The following NUMB variants were observed in gnomAD, a reference collection of about 807,000 sequenced individuals.
NUMB encodes the protein protein numb homolog.
Under a neutral mutation model 59.7 loss-of-function variants are expected in NUMB, and 29 were observed. That is an observed-to-expected ratio of 0.49 (90% CI 0.36 to 0.66). The LOEUF is 0.66. Ranked by LOEUF, NUMB falls within the 30% of genes least tolerant of loss-of-function variation. The probability of loss-of-function intolerance (pLI) is 0.00; values close to 1 mark genes in which losing one functional copy is unlikely to be tolerated. For missense variants in NUMB, 723 were observed against 822.0 expected (o/e 0.88, Z 1.47); for synonymous variants, 288 against 288.2 (o/e 1.00, Z 0.01).
At chr14:73,350,066 T>TACACACAC (rs1161769200) in intron 4 of NUMB, among the ~76,000 whole-genome samples, 10 of 103,714 alleles carry the variant, frequency 9.6e-5, no homozygotes, top group African/African-American at 3.6e-4. Context: ...CATATATACA[T>TACACACAC]ACATACATAC....
intron 8 of NUMB, among the ~76,000 whole-genome samples, chr14:73,289,328 T>C (rs2139822623): frequency 6.6e-6 from 1 of 152,346 alleles, no homozygotes; most frequent in African/African-American, 2.4e-5. Flanking sequence ...TTTATATAGA[T>C]ACACTGGATT....
In NUMB at chr14:73,276,656, C is replaced by CTTA; in HGVS notation, c.1875_1877dup (p.Asn625dup). 1 of 1,614,210 alleles carries CTTA rather than the reference C, an allele frequency of 6.2e-7. No homozygotes were observed. ...GGGAGGGATTAGTACGCTGCTTGGA[C>CTTA]TTATTTTCTAATGCAGCCCACTGGG... On this transcript the variant is annotated inframe_insertion, in exon 13 of 13. Transcript: ENST00000555238.
At chr14:73,305,838 G>A (rs146147256) in intron 6 of NUMB, among the ~76,000 whole-genome samples, 107 of 152,292 alleles carry the variant, frequency 7.0e-4, no homozygotes, top group African/African-American at 2.4e-3. Flanking sequence ...TCTACACAGA[G>A]GCAGGCATTA....
Position 73,410,014 on chromosome 14 carries a change from G to C in NUMB, c.-178C>G, listed in dbSNP as rs1896834614. ...TGGATATAGATCAAGATCTTGAATT[G>C]TAACAGTGGCTGCACTGGCACTCTT... On this transcript the variant is annotated 5_prime_UTR_variant, in exon 2 of 13. Coordinates refer to ENST00000555238, the MANE Select transcript of NUMB (RefSeq NM_001005743.2). The C allele has an allele frequency of 1.3e-5, 2 of 152,186 alleles. No homozygotes were observed. Among genetic ancestry groups the C allele is most frequent in the South Asian group, 4.1e-4 (2 of 4,836 alleles). The allele number at this position is 152,186 out of a possible 1,614,324, so 9.4% of individuals were successfully genotyped here.
chr14:73,357,497 G>A (rs771039473), intron 3 of NUMB, among the ~76,000 whole-genome samples: 12 of 149,380 alleles, frequency 8.0e-5, no homozygotes, highest in South Asian at 2.1e-4. Context: ...AGTGGCTCAC[G>A]TGTGTAATCC....
At chr14:73,403,672 T>C (rs1896520297) in intron 2 of NUMB, among the ~76,000 whole-genome samples, 1 of 152,180 alleles carries the variant, frequency 6.6e-6, no homozygotes, top group Admixed American at 6.5e-5. Context: ...CTTCAAGAGA[T>C]TGGCGGGGCA....
intron 4 of NUMB, among the ~76,000 whole-genome samples, chr14:73,324,254 C>G (rs1052621407): frequency 3.3e-5 from 5 of 152,130 alleles, no homozygotes; most frequent in Non-Finnish European, 5.9e-5. Context: ...CTTTGCTCAC[C>G]GTGCATTTCC....
At chr14:73,351,719 G>A (rs1893282856) in intron 4 of NUMB, among the ~76,000 whole-genome samples, 1 of 152,102 alleles carries the variant, frequency 6.6e-6, no homozygotes, top group Admixed American at 6.6e-5. Flanking sequence ...GCTCACGCCT[G>A]TAATCCCAGC....
intron 4 of NUMB, among the ~76,000 whole-genome samples, chr14:73,335,675 T>A (rs1892269503): frequency 6.6e-6 from 1 of 152,142 alleles, no homozygotes; most frequent in Non-Finnish European, 1.5e-5. Flanking sequence ...CTTGAAAAAA[T>A]TATTTAAAAA....
chr14:73,413,896 A>G (rs1169845074), intron 1 of NUMB, among the ~76,000 whole-genome samples: 1 of 152,148 alleles, frequency 6.6e-6, no homozygotes, highest in Non-Finnish European at 1.5e-5. Flanking sequence ...CAGTATTATA[A>G]TATTAAGCAG....
At chr14:73,388,624 G>A (rs1309676917) in intron 2 of NUMB, among the ~76,000 whole-genome samples, 5 of 152,028 alleles carry the variant, frequency 3.3e-5, no homozygotes, top group African/African-American at 4.8e-5. Flanking sequence ...CAAATATTAA[G>A]GAAGAAACTT....
intron 4 of NUMB, among the ~76,000 whole-genome samples, chr14:73,352,473 CACACATATATAT>C (rs1893394344): frequency 2.5e-3 from 51 of 20,438 alleles, no homozygotes; most frequent in African/African-American, 7.9e-3. Flanking sequence ...CACACACACA[CACACATATATAT>C]ATATATATAT....
At chr14:73,303,797 T>C (rs77632800) in intron 6 of NUMB, among the ~76,000 whole-genome samples, 2 of 147,592 alleles carry the variant, frequency 1.4e-5, no homozygotes, top group African/African-American at 2.5e-5. Context: ...CCTTTTTTTT[T>C]CAAAGAAAAC....
intron 9 of NUMB, 187 bp from the exon 10 acceptor site, chr14:73,284,561 T>C (rs1888854868): frequency 1.8e-6 from 1 of 550,168 alleles, no homozygotes; most frequent in Non-Finnish European, 3.2e-6. Flanking sequence ...TAATGTACTA[T>C]ATGTCACAAA....
At chr14:73,396,415 A>G (rs1017448425) in intron 2 of NUMB, among the ~76,000 whole-genome samples, 3 of 151,842 alleles carry the variant, frequency 2.0e-5, no homozygotes, top group Non-Finnish European at 4.4e-5. Context: ...TGGCACAATC[A>G]TAACTCACTG....
intron 2 of NUMB, among the ~76,000 whole-genome samples, chr14:73,395,788 A>G (rs577073910): frequency 6.6e-6 from 1 of 152,320 alleles, no homozygotes; most frequent in African/African-American, 2.4e-5. Flanking sequence ...TCTACAGGCA[A>G]TGCATAGTTT....
At chr14:73,295,879 C>T (rs1241895012) in intron 7 of NUMB, among the ~76,000 whole-genome samples, 2 of 152,028 alleles carry the variant, frequency 1.3e-5, no homozygotes, top group Non-Finnish European at 2.9e-5. Context: ...CAAAATGGTA[C>T]CTATGATTTG....
chr14:73,377,500 C>G (rs1261578762), intron 2 of NUMB, among the ~76,000 whole-genome samples: 1 of 151,680 alleles, frequency 6.6e-6, no homozygotes, highest in African/African-American at 2.4e-5. Flanking sequence ...ATTAGCTGGG[C>G]TTGGTAGTAC....
chr14:73,339,183 T>G (rs534553065), intron 4 of NUMB, among the ~76,000 whole-genome samples: 1 of 152,320 alleles, frequency 6.6e-6, no homozygotes, highest in African/African-American at 2.4e-5. Context: ...TATGTAAGCA[T>G]AGGTAGGTTA....
Sources: allele counts gnomAD v4.1 joint callset (sites outside exome capture counted in the v4.1 genomes callset), GRCh38; gene constraint gnomAD v4.1.1; transcripts MANE v1.5; gene names NCBI Gene and HGNC (gene_info 2026-07-23, HGNC 2026-07-21).